The following NUBPL variants were observed in gnomAD, a reference collection of about 807,000 sequenced individuals.
NUBPL encodes iron-sulfur cluster transfer protein NUBPL.
A neutral mutation model predicts 45.7 loss-of-function variants in NUBPL; 31 were observed. That is an observed-to-expected ratio of 0.68 (90% CI 0.51 to 0.92). The LOEUF is 0.92. Among genes scored for constraint, NUBPL ranks in the 40% least tolerant of loss-of-function variants. NUBPL has a pLI of 0.00. For missense variants in NUBPL, 401 were observed against 398.7 expected, an observed-to-expected ratio of 1.01 and a Z score of -0.05; for synonymous variants, 144 against 140.9, an observed-to-expected ratio of 1.02 and a Z score of -0.15.
intron 7 of NUBPL, among the ~76,000 whole-genome samples, chr14:31,791,702 A>G (rs1004099455): frequency 9.2e-5 from 14 of 152,148 alleles, no homozygotes; most frequent in Admixed American, 8.5e-4. Flanking sequence ...AACCCAGGCT[A>G]TGGGGTTTCA....
intron 3 of NUBPL, among the ~76,000 whole-genome samples, chr14:31,593,513 CA>C (rs34026301): frequency 0.058 from 4,353 of 75,034 alleles, 39 homozygotes; most frequent in Middle Eastern, 0.11. Context: ...GCTTCCGTCT[CA>C]AAAAAAAAAA....
At chr14:31,819,285 T>G (rs1303093966) in intron 7 of NUBPL, among the ~76,000 whole-genome samples, 1 of 152,196 alleles carries the variant, frequency 6.6e-6, no homozygotes, top group African/African-American at 2.4e-5. Flanking sequence ...TATTTCTAAA[T>G]AAAGGAGAAT....
chr14:31,819,813 C>T (rs2039984027), intron 7 of NUBPL, among the ~76,000 whole-genome samples: 1 of 152,034 alleles, frequency 6.6e-6, no homozygotes. Context: ...TATTTTTAAT[C>T]GTTTAGACTT....
At chr14:31,683,381 A>G (rs1214072169) in intron 6 of NUBPL, among the ~76,000 whole-genome samples, 1 of 110,962 alleles carries the variant, frequency 9.0e-6, no homozygotes, top group Non-Finnish European at 1.7e-5. Context: ...TTTTTGTGAG[A>G]CAGGGTCTCA....
chr14:31,850,141 T>TA lies in NUBPL; in HGVS notation c.838dup (p.Ile280AsnfsTer17). The TA allele has an allele frequency of 6.2e-7, 1 of 1,613,850 alleles. No homozygotes were observed. Among genetic ancestry groups the TA allele is most frequent in the Non-Finnish European group, 8.5e-7 (1 of 1,179,796 alleles). On this transcript the variant is annotated frameshift_variant, in exon 10 of 11. Coordinates refer to ENST00000281081, the MANE Select transcript of NUBPL (RefSeq NM_025152.3). LOFTEE classifies it high-confidence loss of function. ...TAGGAGACATTCCCTTACACCTTAATATAAGGGAAGCTTCAGATACAGGCC... is the reference window on the plus strand; with the variant it reads ...TAGGAGACATTCCCTTACACCTTAATAATAAGGGAAGCTTCAGATACAGGCC...
intron 6 of NUBPL, among the ~76,000 whole-genome samples, chr14:31,723,790 G>C (rs1209488735): frequency 6.6e-6 from 1 of 152,150 alleles, no homozygotes; most frequent in Non-Finnish European, 1.5e-5. Flanking sequence ...CTGTACATTG[G>C]TTTTGTATCC....
intron 6 of NUBPL, among the ~76,000 whole-genome samples, chr14:31,747,942 G>A (rs1011186319): frequency 6.6e-6 from 1 of 151,794 alleles, no homozygotes; most frequent in Non-Finnish European, 1.5e-5. Flanking sequence ...TTTCTTGATG[G>A]TAAACTTTCC....
intron 4 of NUBPL, among the ~76,000 whole-genome samples, chr14:31,644,616 G>A (rs969304036): frequency 2.0e-5 from 3 of 152,130 alleles, no homozygotes; most frequent in African/African-American, 7.2e-5. Context: ...TAAAGAGAGT[G>A]TATGTTCTAC....
At position 31,860,363 on chromosome 14, in the gene NUBPL, CTTTT is replaced by C. The variant is rs1292130231; in HGVS notation, c.*1187_*1190del. On this transcript the variant is annotated 3_prime_UTR_variant, in exon 11 of 11. Transcript: ENST00000281081. Reference sequence around the variant, plus strand: ...ATGCAATATTTAGCATTTCCTCAAACTTTTTTTGGCCATGAAATCCACCACCCCC... The same window carrying C: ...ATGCAATATTTAGCATTTCCTCAAACTTTGGCCATGAAATCCACCACCCCC... 1 of 140,170 alleles carries C rather than the reference CTTTT, an allele frequency of 7.1e-6. No homozygotes were observed. The highest frequency in any genetic ancestry group is 2.6e-5 in the African/African-American group (1 of 38,852). 8.7% of individuals were successfully genotyped at this position (140,170 alleles called of 1,614,324 possible). A position where few individuals can be genotyped will look rare whatever the true frequency, so the allele number is the denominator to read the frequency against.
intron 6 of NUBPL, among the ~76,000 whole-genome samples, chr14:31,706,182 C>T (rs1433199728): frequency 6.6e-6 from 1 of 152,168 alleles, no homozygotes; most frequent in Non-Finnish European, 1.5e-5. Context: ...ACCCCAACTG[C>T]TGTTGGGAAT....
chr14:31,593,370 C>A (rs930406568), intron 3 of NUBPL, among the ~76,000 whole-genome samples: 1 of 151,642 alleles, frequency 6.6e-6, no homozygotes, highest in African/African-American at 2.4e-5. Context: ...AAAAATTAGC[C>A]GGGTGTGCTG....
chr14:31,606,920 CTG>C (rs1190686827), intron 4 of NUBPL, among the ~76,000 whole-genome samples: 6 of 152,168 alleles, frequency 3.9e-5, no homozygotes, highest in Non-Finnish European at 7.3e-5. Context: ...GTTGTTCTGG[CTG>C]TCTTTGTGAG....
At chr14:31,825,812 C>A (rs1294982841) in intron 7 of NUBPL, among the ~76,000 whole-genome samples, 1 of 150,812 alleles carries the variant, frequency 6.6e-6, no homozygotes, top group Non-Finnish European at 1.5e-5. Flanking sequence ...TTCTCCTCCT[C>A]CTCCTCCTTC....
At chr14:31,768,006 G>C (rs1285479779) in intron 6 of NUBPL, among the ~76,000 whole-genome samples, 1 of 152,134 alleles carries the variant, frequency 6.6e-6, no homozygotes, top group Non-Finnish European at 1.5e-5. Context: ...AAGTTTGTTG[G>C]ATCTGCATTT....
chr14:31,682,657 CT>C (rs1174456048), intron 6 of NUBPL, among the ~76,000 whole-genome samples: 1 of 152,078 alleles, frequency 6.6e-6, no homozygotes, highest in Non-Finnish European at 1.5e-5. Flanking sequence ...AGGTCCTTAG[CT>C]ATCTATCCCT....
intron 6 of NUBPL, among the ~76,000 whole-genome samples, chr14:31,753,220 T>C (rs2038571814): frequency 6.6e-6 from 1 of 152,184 alleles, no homozygotes; most frequent in Non-Finnish European, 1.5e-5. Flanking sequence ...TAGGTACATG[T>C]AGTGTCCAGT....
At chr14:31,855,290 A>G (rs971429652) in intron 10 of NUBPL, among the ~76,000 whole-genome samples, 3 of 152,338 alleles carry the variant, frequency 2.0e-5, no homozygotes, top group East Asian at 3.9e-4. Flanking sequence ...AGTAGATGTT[A>G]TTTCTATTTA....
intron 4 of NUBPL, among the ~76,000 whole-genome samples, chr14:31,653,139 G>A (rs1304818006): frequency 4.6e-5 from 7 of 152,170 alleles, no homozygotes; most frequent in Admixed American, 4.6e-4. Context: ...AAGGACAAAA[G>A]CAAAGATCAC....
chr14:31,660,262 G>C (rs892331743), intron 4 of NUBPL, among the ~76,000 whole-genome samples: 1 of 152,018 alleles, frequency 6.6e-6, no homozygotes, highest in Non-Finnish European at 1.5e-5. Flanking sequence ...TTTTCTTCTA[G>C]GTAAATAGGT....
Sources: allele counts gnomAD v4.1 joint callset (sites outside exome capture counted in the v4.1 genomes callset), GRCh38; gene constraint gnomAD v4.1.1; transcripts MANE v1.5; gene names NCBI Gene and HGNC (gene_info 2026-07-23, HGNC 2026-07-21).